ST6GAL1: variants seen among roughly 807,000 people sequenced by gnomAD.
The protein encoded by ST6GAL1 is beta-galactoside alpha-2,6-sialyltransferase 1.
A neutral mutation model predicts 38.0 loss-of-function variants in ST6GAL1; 20 were observed. That is an observed-to-expected ratio of 0.53 (90% CI 0.37 to 0.77). The LOEUF (loss-of-function observed/expected upper bound fraction) is 0.77. ST6GAL1 is among the 30% of genes least tolerant of loss of function. ST6GAL1 has a pLI of 0.00. For missense variants in ST6GAL1, 432 were observed against 496.4 expected, an observed-to-expected ratio of 0.87 and a Z score of 1.23; for synonymous variants, 196 against 188.2, an observed-to-expected ratio of 1.04 and a Z score of -0.34.
intron 2 of ST6GAL1, among the ~76,000 whole-genome samples, chr3:187,005,307 G>A (rs1379850273): frequency 8.2e-6 from 1 of 122,004 alleles, no homozygotes; most frequent in Non-Finnish European, 1.6e-5. Flanking sequence ...CGGAGTCTTC[G>A]CTGTTTCGCC....
chr3:186,967,248 G>C (rs755688547), intron 2 of ST6GAL1, among the ~76,000 whole-genome samples: 2 of 152,172 alleles, frequency 1.3e-5, no homozygotes, highest in Non-Finnish European at 2.9e-5. Context: ...CTGGAGTGCG[G>C]TGGCGCAATC....
chr3:187,063,940 G>T (rs575321011), intron 5 of ST6GAL1, among the ~76,000 whole-genome samples: 2 of 152,220 alleles, frequency 1.3e-5, no homozygotes, highest in Admixed American at 6.5e-5. Flanking sequence ...GAGTTACTAT[G>T]TGTGGAGCAT....
intron 2 of ST6GAL1, among the ~76,000 whole-genome samples, chr3:187,000,586 A>G (rs1025374343): frequency 9.8e-6 from 1 of 101,760 alleles, no homozygotes; most frequent in Non-Finnish European, 2.2e-5. Flanking sequence ...TTTTGTTTCT[A>G]TAAACATTGT....
chr3:186,971,422 G>A (rs188522801), intron 2 of ST6GAL1, among the ~76,000 whole-genome samples: 53 of 152,342 alleles, frequency 3.5e-4, no homozygotes, highest in African/African-American at 1.3e-3. Flanking sequence ...TAATAGATGT[G>A]TAGTGATATC....
intron 2 of ST6GAL1, among the ~76,000 whole-genome samples, chr3:187,002,750 T>C (rs1716662234): frequency 1.3e-5 from 2 of 152,208 alleles, no homozygotes; most frequent in Admixed American, 1.3e-4. Flanking sequence ...ATTCAGATGA[T>C]TCTGAATCAA....
chr3:187,010,175 T>C (rs1024332527), intron 2 of ST6GAL1, among the ~76,000 whole-genome samples: 2 of 152,160 alleles, frequency 1.3e-5, no homozygotes, highest in Non-Finnish European at 2.9e-5. Context: ...ACTTCTTTTT[T>C]TGAGATGGAA....
intron 5 of ST6GAL1, among the ~76,000 whole-genome samples, chr3:187,067,081 C>CTTTTTTTTTTTTTTTTTT (rs763013682): frequency 7.5e-5 from 7 of 93,062 alleles, no homozygotes; most frequent in Non-Finnish European, 1.2e-4. Flanking sequence ...TTCTTTCTTT[C>CTTTTTTTTTTTTTTTTTT]TTTTTTTTTT....
intron 2 of ST6GAL1, among the ~76,000 whole-genome samples, chr3:186,991,047 T>G (rs1210158631): frequency 6.6e-6 from 1 of 152,162 alleles, no homozygotes; most frequent in Middle Eastern, 3.2e-3. Context: ...CTAACTGACT[T>G]TTTTCTTTTT....
chr3:186,960,331 G>T (rs1461997899), intron 1 of ST6GAL1, among the ~76,000 whole-genome samples: 2 of 152,196 alleles, frequency 1.3e-5, no homozygotes, highest in African/African-American at 4.8e-5. Flanking sequence ...AGAGTTGGGG[G>T]ACAGTGCAGT....
chr3:187,054,541 C>G (rs948899390), intron 5 of ST6GAL1, among the ~76,000 whole-genome samples: 1 of 152,152 alleles, frequency 6.6e-6, no homozygotes, highest in African/African-American at 2.4e-5. Flanking sequence ...GTCTTTTCTG[C>G]ATCTATTGAG....
At chr3:187,052,518 A>G (rs1467105731) in intron 5 of ST6GAL1, among the ~76,000 whole-genome samples, 4 of 151,512 alleles carry the variant, frequency 2.6e-5, no homozygotes, top group Non-Finnish European at 4.4e-5. Context: ...TCATTGTTCA[A>G]CTCCCACCTG....
chr3:186,945,342 T>G (rs1714321403), intron 1 of ST6GAL1, among the ~76,000 whole-genome samples: 1 of 151,574 alleles, frequency 6.6e-6, no homozygotes, highest in East Asian at 1.9e-4. Context: ...TTTACAGAGT[T>G]CTGGGGCAAA....
chr3:187,029,175 C>T (rs1717653670), intron 2 of ST6GAL1, among the ~76,000 whole-genome samples: 1 of 151,664 alleles, frequency 6.6e-6, no homozygotes, highest in Non-Finnish European at 1.5e-5. Flanking sequence ...GTTAATGATG[C>T]TAAAAGACTG....
At chr3:187,048,370 A>G (rs775510269) in intron 4 of ST6GAL1, among the ~76,000 whole-genome samples, 1 of 152,086 alleles carries the variant, frequency 6.6e-6, no homozygotes, top group Non-Finnish European at 1.5e-5. Context: ...CCTTGTCTAC[A>G]GTCAAGTCCC....
chr3:187,023,461 A>G (rs1162526889), intron 2 of ST6GAL1, among the ~76,000 whole-genome samples: 1 of 152,230 alleles, frequency 6.6e-6, no homozygotes. Flanking sequence ...TGCTGAAAGA[A>G]TGAACCTATA....
At chr3:186,951,283 C>G (rs1279113883) in intron 1 of ST6GAL1, among the ~76,000 whole-genome samples, 1 of 152,184 alleles carries the variant, frequency 6.6e-6, no homozygotes, top group Admixed American at 6.5e-5. Flanking sequence ...TCTCGAACTC[C>G]TGACCTCAGG....
At chr3:187,062,607 A>ACACACACACAC (rs1553835871) in intron 5 of ST6GAL1, among the ~76,000 whole-genome samples, 1 of 74,234 alleles carries the variant, frequency 1.3e-5, no homozygotes, top group Non-Finnish European at 3.7e-5. Context: ...CACACACACA[A>ACACACACACAC]AATACTATAT....
chr3:187,024,287 G>T (rs1175409122), intron 2 of ST6GAL1, among the ~76,000 whole-genome samples: 1 of 151,458 alleles, frequency 6.6e-6, no homozygotes, highest in Non-Finnish European at 1.5e-5. Flanking sequence ...TAGAGACGGG[G>T]GTTTCACCAT....
chr3:186,974,729 G>GT (rs1560147652), intron 2 of ST6GAL1, among the ~76,000 whole-genome samples: 1 of 151,440 alleles, frequency 6.6e-6, no homozygotes, highest in Non-Finnish European at 1.5e-5. Flanking sequence ...GCCTGGTTGG[G>GT]GGGGGGGCGC....
Sources: allele counts gnomAD v4.1 joint callset (sites outside exome capture counted in the v4.1 genomes callset), GRCh38; gene constraint gnomAD v4.1.1; transcripts MANE v1.5; gene names NCBI Gene and HGNC (gene_info 2026-07-23, HGNC 2026-07-21).